RIMS2: variants seen among roughly 807,000 people sequenced by gnomAD.
RIMS2 encodes the protein regulating synaptic membrane exocytosis 2.
A neutral mutation model predicts 174.4 loss-of-function variants in RIMS2; 59 were observed. That is an observed-to-expected ratio of 0.34 (90% CI 0.27 to 0.42). The LOEUF (loss-of-function observed/expected upper bound fraction) is 0.42. RIMS2 is among the 10% of genes least tolerant of loss of function. The probability of loss-of-function intolerance (pLI) is 1.00; values close to 1 mark genes in which losing one functional copy is unlikely to be tolerated. For missense variants in RIMS2, 1,620 were observed against 1,666.3 expected (o/e 0.97, Z 0.48); for synonymous variants, 606 against 572.5 (o/e 1.06, Z -0.84).
chr8:103,588,211 A>G lies in RIMS2; in HGVS notation c.176+87149A>G, dbSNP rs986923220. ...TTAATCAAAGAAATGAAAGATCTCT[A>G]CAATGAAAACTATAAAACACTGAAG... On this transcript the variant is annotated intron_variant, in intron 1 of 23. Coordinates refer to ENST00000504942, the Ensembl canonical transcript of RIMS2. Among the ~76,000 whole-genome samples, 11 of 152,128 alleles carry G rather than the reference A, an allele frequency of 7.2e-5. No homozygotes were observed. In the East Asian group the frequency reaches 1.7e-3, roughly 24 times the overall value.
At chr8:104,223,474 G>A in intron 19 of RIMS2, 2 of 1,375,006 alleles carry the variant, frequency 1.5e-6, no homozygotes, top group Non-Finnish European at 1.9e-6. Context: ...GGTCCCGGCG[G>A]CCAGGAAAGC....
In RIMS2 at chr8:103,785,910, T is replaced by C. The variant is rs1293446708; in HGVS notation, c.698+19373T>C. On this transcript the variant is annotated intron_variant, in intron 3 of 23. Coordinates refer to ENST00000504942, the Ensembl canonical transcript of RIMS2. ...GAATCCATCTGGTCCTGGACTCTTTTTGGTTGGTAAGCTATTGATTATTGC... is the reference window on the plus strand; with the variant it reads ...GAATCCATCTGGTCCTGGACTCTTTCTGGTTGGTAAGCTATTGATTATTGC... Among the ~76,000 whole-genome samples the C allele has an allele frequency of 2.0e-5, 3 of 152,198 alleles. No homozygotes were observed. In the East Asian group the frequency reaches 5.8e-4, roughly 29 times the overall value.
chr8:103,948,371 C>G (rs1055444131), intron 14 of RIMS2, among the ~76,000 whole-genome samples: 1 of 152,260 alleles, frequency 6.6e-6, no homozygotes, highest in East Asian at 1.9e-4. Flanking sequence ...AAGACTTGTA[C>G]GTGAATGTTC....
intron 3 of RIMS2, chr8:103,819,328 G>A: frequency 1.4e-6 from 2 of 1,445,892 alleles, no homozygotes; most frequent in South Asian, 2.8e-5. Flanking sequence ...GACTGAATTA[G>A]AAGAATAATG....
chr8:103,586,112 A>G (rs949265184), intron 1 of RIMS2, among the ~76,000 whole-genome samples: 22 of 152,196 alleles, frequency 1.4e-4, no homozygotes, highest in Non-Finnish European at 3.1e-4. Context: ...ATATTATTAG[A>G]GCTAAAGAGA....
chr8:103,943,003 A>G, intron 14 of RIMS2, 77 bp downstream of exon 16: 1 of 1,070,578 alleles, frequency 9.3e-7, no homozygotes. Context: ...AAAGAACTTG[A>G]AGATATCTTT....
intron 1 of RIMS2, among the ~76,000 whole-genome samples, chr8:103,621,816 C>A (rs2095641736): frequency 6.6e-6 from 1 of 152,212 alleles, no homozygotes; most frequent in Non-Finnish European, 1.5e-5. Flanking sequence ...ATTTTTGAGA[C>A]ATTGATGCAC....
chr8:104,242,498 G>A (rs565642444), intron 19 of RIMS2, among the ~76,000 whole-genome samples: 1 of 152,222 alleles, frequency 6.6e-6, no homozygotes, highest in East Asian at 1.9e-4. Context: ...AAGTACACTC[G>A]TAGCATTTGA....
intron 1 of RIMS2, among the ~76,000 whole-genome samples, chr8:103,665,526 T>G (rs773633762): frequency 6.6e-6 from 1 of 152,244 alleles, no homozygotes; most frequent in Non-Finnish European, 1.5e-5. Context: ...TAAAAAGAAT[T>G]AATCAAATAT....
At chr8:103,764,618 C>T (rs2098148147) in intron 2 of RIMS2, among the ~76,000 whole-genome samples, 1 of 151,992 alleles carries the variant, frequency 6.6e-6, no homozygotes, top group African/African-American at 2.4e-5. Flanking sequence ...TTTTTAATTT[C>T]AGTGAGATAA....
chr8:103,769,982 T>C (rs1345644615), intron 3 of RIMS2, among the ~76,000 whole-genome samples: 1 of 152,220 alleles, frequency 6.6e-6, no homozygotes, highest in African/African-American at 2.4e-5. Context: ...CTCATTGTAA[T>C]TTACATACAC....
At chr8:103,775,715 G>A (rs1226759788) in intron 3 of RIMS2, among the ~76,000 whole-genome samples, 1 of 152,084 alleles carries the variant, frequency 6.6e-6, no homozygotes, top group African/African-American at 2.4e-5. Context: ...TATGGCCAAT[G>A]CTTAATAGAC....
intron 17 of RIMS2, among the ~76,000 whole-genome samples, chr8:103,998,664 C>A (rs990133775): frequency 1.3e-5 from 2 of 151,746 alleles, no homozygotes; most frequent in African/African-American, 4.8e-5. Context: ...GTAGAGGAAT[C>A]TGTCCTTGAA....
At chr8:103,619,980 A>G (rs2134588829) in intron 1 of RIMS2, among the ~76,000 whole-genome samples, 1 of 152,246 alleles carries the variant, frequency 6.6e-6, no homozygotes, top group South Asian at 2.1e-4. Flanking sequence ...CTATAAATGG[A>G]CTTATTTTTG....
At chr8:103,809,350 A>G (rs1479779886) in intron 3 of RIMS2, among the ~76,000 whole-genome samples, 1 of 151,852 alleles carries the variant, frequency 6.6e-6, no homozygotes, top group Non-Finnish European at 1.5e-5. Flanking sequence ...TTTTCTTAAC[A>G]TTTCTAATCT....
intron 2 of RIMS2, among the ~76,000 whole-genome samples, chr8:103,711,704 T>A (rs1324861357): frequency 6.6e-6 from 1 of 152,080 alleles, no homozygotes; most frequent in Non-Finnish European, 1.5e-5. Flanking sequence ...GAGATCAGGC[T>A]GGGCAACATG....
intron 1 of RIMS2, among the ~76,000 whole-genome samples, chr8:103,523,832 A>G (rs1276204290): frequency 6.6e-6 from 1 of 152,096 alleles, no homozygotes; most frequent in Non-Finnish European, 1.5e-5. Flanking sequence ...ATCTTCTAAA[A>G]TGTTTACTGT....
chr8:103,788,713 G>A (rs2098467257), intron 3 of RIMS2, among the ~76,000 whole-genome samples: 1 of 152,040 alleles, frequency 6.6e-6, no homozygotes, highest in Non-Finnish European at 1.5e-5. Context: ...AGAGGTTACT[G>A]CTGTCTTTTT....
chr8:103,549,876 G>A (rs1846896194), intron 1 of RIMS2, among the ~76,000 whole-genome samples: 1 of 152,070 alleles, frequency 6.6e-6, no homozygotes, highest in Non-Finnish European at 1.5e-5. Context: ...GACAAAGAAG[G>A]CCATTACATA....
Sources: allele counts gnomAD v4.1 joint callset (sites outside exome capture counted in the v4.1 genomes callset), GRCh38; gene constraint gnomAD v4.1.1; transcripts MANE v1.5; gene names NCBI Gene and HGNC (gene_info 2026-07-23, HGNC 2026-07-21).